Variants in IGF1R observed in about 807,000 individuals in gnomAD.
IGF1R encodes the protein insulin-like growth factor 1 receptor.
IGF1R carries 44 observed loss-of-function variants against 144.6 expected under a neutral mutation model. The observed-to-expected ratio is 0.30, with a 90% confidence interval of 0.24 to 0.39. The LOEUF (loss-of-function observed/expected upper bound fraction) is 0.39. Among genes scored for constraint, IGF1R ranks in the 10% least tolerant of loss-of-function variants. IGF1R has a pLI of 1.00. For missense variants in IGF1R, 1,355 were observed against 1,833.7 expected (o/e 0.74, Z 4.77); for synonymous variants, 795 against 722.8 (o/e 1.10, Z -1.60).
Position 98,704,351 on chromosome 15 carries a change from G to A in IGF1R, c.95-3211G>A, listed in dbSNP as rs1019877990. Among the ~76,000 whole-genome samples, 4 of 152,144 alleles carry A rather than the reference G, an allele frequency of 2.6e-5. No homozygotes were observed. Among genetic ancestry groups the A allele is most frequent in the Non-Finnish European group, 5.9e-5 (4 of 68,024 alleles). ...TGACGTTTGAGTGGAGACCCAGATG[G>A]CTAGAGAATGGGGCAGCCTCCTGAA... is the stretch of plus-strand genomic sequence containing the variant. On this transcript the variant is annotated intron_variant, in intron 1 of 20. Coordinates refer to ENST00000650285, the MANE Select transcript of IGF1R (RefSeq NM_000875.5). The surrounding 1 kb of genome is among the most constrained non-coding windows in gnomAD (Gnocchi z 4.9).
chr15:98,827,977 T>C (rs914800588), intron 2 of IGF1R, among the ~76,000 whole-genome samples: 1 of 152,186 alleles, frequency 6.6e-6, no homozygotes, highest in Non-Finnish European at 1.5e-5. Flanking sequence ...TGAAAGCTGA[T>C]TAATCAGTCA....
At chr15:98,758,326 G>T (rs1043797489) in intron 2 of IGF1R, among the ~76,000 whole-genome samples, 1 of 151,634 alleles carries the variant, frequency 6.6e-6, no homozygotes, top group African/African-American at 2.4e-5. Flanking sequence ...GTTTCAGCTG[G>T]TGCCACCTGT....
chr15:98,822,536 T>C (rs2056820733), intron 2 of IGF1R, among the ~76,000 whole-genome samples: 1 of 152,266 alleles, frequency 6.6e-6, no homozygotes, highest in Non-Finnish European at 1.5e-5. Flanking sequence ...TGAGAGCTGG[T>C]ATAATTTAAT....
intron 2 of IGF1R, among the ~76,000 whole-genome samples, chr15:98,711,974 C>A (rs75451760): frequency 0.019 from 2,819 of 152,166 alleles, 77 homozygotes; most frequent in South Asian, 0.064. Flanking sequence ...TTTTTTCTGG[C>A]GTCTTTTTTA....
At position 98,959,853 on chromosome 15, in the gene IGF1R, T is replaced by TA. The variant is rs2017153467; in HGVS notation, c.*2411_*2412insA. On this transcript the variant is annotated 3_prime_UTR_variant, in exon 21 of 21. Transcript: ENST00000650285. ...GTCTCTATCCCATAGCGTGTTCCCT[T>TA]TAAAAAAAAAAAAAAGGTATTATAT... The TA allele has an allele frequency of 9.3e-5, 12 of 128,808 alleles. No homozygotes were observed. The highest frequency in any genetic ancestry group is 1.4e-4 in the Admixed American group (1 of 7,048). The allele number at this position is 128,808 out of a possible 1,614,324, so 8.0% of individuals were successfully genotyped here.
At chr15:98,856,388 C>T (rs755130018) in intron 2 of IGF1R, among the ~76,000 whole-genome samples, 2 of 152,222 alleles carry the variant, frequency 1.3e-5, no homozygotes, top group Non-Finnish European at 2.9e-5. Flanking sequence ...TTAATTTCCC[C>T]TGAGCTTTGG....
At chr15:98,826,313 T>C (rs1000504075) in intron 2 of IGF1R, among the ~76,000 whole-genome samples, 1 of 152,262 alleles carries the variant, frequency 6.6e-6, no homozygotes, top group Admixed American at 6.5e-5. Flanking sequence ...GACTGAATGA[T>C]AGAATATATA....
chr15:98,899,445 G>A, intron 4 of IGF1R, 32 bp from the exon 5 acceptor site: 1 of 1,611,504 alleles, frequency 6.2e-7, no homozygotes, highest in Non-Finnish European at 8.5e-7. Flanking sequence ...CACCAAGTGA[G>A]CACACAGTGA....
At chr15:98,913,349 C>A (rs2151677518) in intron 8 of IGF1R, 67 bp downstream of exon 8, 3 of 1,232,836 alleles carry the variant, frequency 2.4e-6, no homozygotes, top group South Asian at 1.2e-5. Context: ...TTGCTTGTAC[C>A]AGGTGTCATT....
At chr15:98,807,937 T>C (rs1217458011) in intron 2 of IGF1R, among the ~76,000 whole-genome samples, 2 of 152,270 alleles carry the variant, frequency 1.3e-5, no homozygotes, top group Non-Finnish European at 2.9e-5. Flanking sequence ...ATCCATAAAC[T>C]CTCATTATAA....
chr15:98,834,202 T>G (rs541152598), intron 2 of IGF1R, among the ~76,000 whole-genome samples: 80 of 152,312 alleles, frequency 5.3e-4, no homozygotes, highest in African/African-American at 1.8e-3. Flanking sequence ...GGGAAAGAGT[T>G]TGCAAAGCTT....
rs558916351 is a variant in IGF1R at position 98,822,907 on chromosome 15, G to A, written c.641-68418G>A. Among the ~76,000 whole-genome samples, 20 of 152,300 alleles carry A rather than the reference G, an allele frequency of 1.3e-4. 2 individuals are homozygous for A. In the South Asian group the frequency reaches 3.3e-3, roughly 25 times the overall value. The stretch of plus-strand genomic sequence containing the variant: ...GAAACATTCTCTGAGTCTTAGAAGC[G>A]TGAATGATTTAAATGAGGTTCCAGC... On this transcript the variant is annotated intron_variant, in intron 2 of 20. Coordinates refer to ENST00000650285, the MANE Select transcript of IGF1R (RefSeq NM_000875.5).
intron 2 of IGF1R, among the ~76,000 whole-genome samples, chr15:98,768,181 T>C (rs1048164071): frequency 4.6e-5 from 7 of 152,172 alleles, no homozygotes; most frequent in African/African-American, 1.7e-4. Flanking sequence ...TTGGATGAGC[T>C]TGTGTGTTCA....
chr15:98,942,829 C>A, intron 18 of IGF1R, 94 bp from the exon 19 acceptor site: 1 of 1,532,162 alleles, frequency 6.5e-7, no homozygotes, highest in South Asian at 1.1e-5. Flanking sequence ...TCTTGCCTTG[C>A]GTCTCTCCAC....
chr15:98,695,357 G>A (rs915326078), intron 1 of IGF1R, among the ~76,000 whole-genome samples: 2 of 152,172 alleles, frequency 1.3e-5, no homozygotes, highest in African/African-American at 4.8e-5. Context: ...TGCCCACTCT[G>A]GTGAGATGGC....
At chr15:98,920,930 C>T (rs749908584) in intron 10 of IGF1R, among the ~76,000 whole-genome samples, 6 of 152,138 alleles carry the variant, frequency 3.9e-5, no homozygotes, top group African/African-American at 7.2e-5. Flanking sequence ...AGAAGCCTGC[C>T]GAGCGTCAGC....
At chr15:98,810,549 C>CT (rs2056564009) in intron 2 of IGF1R, among the ~76,000 whole-genome samples, 1 of 147,008 alleles carries the variant, frequency 6.8e-6, no homozygotes, top group African/African-American at 2.5e-5. Context: ...ATTTTCTTTT[C>CT]TTTTCTTTTT....
chr15:98,737,138 G>C (rs952322516), intron 2 of IGF1R, among the ~76,000 whole-genome samples: 1 of 152,170 alleles, frequency 6.6e-6, no homozygotes, highest in African/African-American at 2.4e-5. Flanking sequence ...ATGGCTTTTT[G>C]TGTGTGCACA....
chr15:98,779,546 C>T (rs1442001766), intron 2 of IGF1R, among the ~76,000 whole-genome samples: 1 of 152,208 alleles, frequency 6.6e-6, no homozygotes, highest in Non-Finnish European at 1.5e-5. Context: ...GTTACACCGT[C>T]AGCGGTTTGG....
Sources: allele counts gnomAD v4.1 joint callset (sites outside exome capture counted in the v4.1 genomes callset), GRCh38; gene constraint gnomAD v4.1.1; non-coding constraint Gnocchi (gnomAD v3.1); transcripts MANE v1.5; gene names NCBI Gene and HGNC (gene_info 2026-07-23, HGNC 2026-07-21).